The following DOCK4 variants were observed in gnomAD, a reference collection of about 807,000 sequenced individuals.
DOCK4 encodes the protein dedicator of cytokinesis 4.
Under a neutral mutation model 268.1 loss-of-function variants are expected in DOCK4, and 97 were observed. The ratio of observed to expected loss-of-function variants is 0.36; its 90% CI spans 0.31 to 0.43. The LOEUF is 0.43. Among genes scored for constraint, DOCK4 ranks in the 20% least tolerant of loss-of-function variants. The probability of loss-of-function intolerance (pLI) is 1.00; values close to 1 mark genes in which losing one functional copy is unlikely to be tolerated. For synonymous variants in DOCK4, 954 were observed against 887.2 expected (o/e 1.08, Z -1.34); for missense variants, 2,145 against 2,455.7 (o/e 0.87, Z 2.67).
At chr7:111,987,313 T>G (rs1304705841) in intron 6 of DOCK4, among the ~76,000 whole-genome samples, 2 of 152,220 alleles carry the variant, frequency 1.3e-5, no homozygotes, top group Non-Finnish European at 2.9e-5. Context: ...TGCCATCATT[T>G]TCTTTCATAA....
chr7:112,206,163 A>G lies in DOCK4; in HGVS notation c.-25T>C. ...TGGCTAAAGGGGCTCCGGGGTCTTC[A>G]GGCTTTGTAATCCCCGCGCCCCTTC... On this transcript the variant is annotated 5_prime_UTR_variant, in exon 1 of 53. Transcript: ENST00000428084. The G allele has an allele frequency of 6.4e-7, 1 of 1,568,026 alleles. No individual in the cohort carries two copies. The highest frequency in any genetic ancestry group is 2.4e-5 in the East Asian group (1 of 42,234).
At chr7:111,929,530 A>C (rs896999591) in intron 12 of DOCK4, among the ~76,000 whole-genome samples, 3 of 152,230 alleles carry the variant, frequency 2.0e-5, no homozygotes, top group African/African-American at 7.2e-5. Flanking sequence ...ATGTTCAAAA[A>C]TCAGGTGCAC....
At chr7:111,804,434 A>G (rs777779680) in intron 30 of DOCK4, among the ~76,000 whole-genome samples, 156 of 152,232 alleles carry the variant, frequency 1.0e-3, no homozygotes, top group Non-Finnish European at 1.6e-3. Flanking sequence ...GGCTGGGGAG[A>G]CAGGGGAATG....
Position 112,182,787 on chromosome 7 carries a change from C to A in DOCK4, c.37+23315G>T, listed in dbSNP as rs376517869. Among the ~76,000 whole-genome samples the A allele has an allele frequency of 2.6e-5, 4 of 152,326 alleles. No homozygotes were observed. In the East Asian group the frequency reaches 7.7e-4, roughly 29 times the overall value. On this transcript the variant is annotated intron_variant, in intron 1 of 52. Transcript: ENST00000428084. ...ACACGGCTAGGTGTGCAGGCATGTGCCTCACTATCAAGACCTAAACCACGA... is the reference window on the plus strand; with the variant it reads ...ACACGGCTAGGTGTGCAGGCATGTGACTCACTATCAAGACCTAAACCACGA...
At position 111,740,729 on chromosome 7, in the gene DOCK4, T is replaced by TAAAAAAAAAAAA. The variant is rs59019816; in HGVS notation, c.5040+353_5040+364dup. Among the ~76,000 whole-genome samples, 27 of 16,486 alleles carry TAAAAAAAAAAAA rather than the reference T, an allele frequency of 1.6e-3. 13 individuals are homozygous for TAAAAAAAAAAAA. The highest frequency in any genetic ancestry group is 6.0e-3 in the East Asian group (2 of 332). 10.8% of individuals were successfully genotyped at this position (16,486 alleles called of 152,430 possible). A position where few individuals can be genotyped will look rare whatever the true frequency, so the allele number is the denominator to read the frequency against. Reference sequence around the variant, plus strand: ...GACTGGGAGACAGAGTGAGACTCGCTAAAAAAAAAAAAAAAAAAAAAAAAA... The same window carrying TAAAAAAAAAAAA: ...GACTGGGAGACAGAGTGAGACTCGCTAAAAAAAAAAAAAAAAAAAAAAAAAAAAAAAAAAAAA... On this transcript the variant is annotated intron_variant, in intron 47 of 52. Coordinates refer to ENST00000428084, the MANE Select transcript of DOCK4 (RefSeq NM_001363540.2).
In DOCK4 at chr7:111,755,552, C is replaced by G; in HGVS notation, c.4379G>C (p.Gly1460Ala). The change falls in exon 42 of 53, where the codon GGC becomes GCC. Residue 1460 changes from glycine (G) to alanine (A), a missense_variant. By Grantham distance (60) the Gly-to-Ala change is moderately conservative. Coordinates refer to ENST00000428084, the MANE Select transcript of DOCK4 (RefSeq NM_001363540.2). Reference protein sequence around the residue: ...TSLYLVQSLPGISRWFEVEKR... With the variant: ...TSLYLVQSLPAISRWFEVEKR... ...TTCCACTTCAAACCAGCGAGAGATG[C>G]CAGGCAAACTCTGCACCAAGTATAA... The G allele has an allele frequency of 6.2e-7, 1 of 1,613,932 alleles. No homozygotes were observed. Among genetic ancestry groups the G allele is most frequent in the Non-Finnish European group, 8.5e-7 (1 of 1,179,878 alleles).
At chr7:112,053,009 A>C (rs1219788224) in intron 1 of DOCK4, among the ~76,000 whole-genome samples, 1 of 152,218 alleles carries the variant, frequency 6.6e-6, no homozygotes, top group Non-Finnish European at 1.5e-5. Flanking sequence ...AAAACCAGTT[A>C]AATGCTAAAT....
At chr7:111,987,719 A>G (rs550942006) in intron 6 of DOCK4, among the ~76,000 whole-genome samples, 74 of 152,312 alleles carry the variant, frequency 4.9e-4, no homozygotes, top group African/African-American at 1.8e-3. Flanking sequence ...TCCTCCTTCA[A>G]CAGATGAGGA....
intron 1 of DOCK4, among the ~76,000 whole-genome samples, chr7:112,202,276 T>C (rs555787797): frequency 2.2e-4 from 33 of 152,238 alleles, no homozygotes; most frequent in Non-Finnish European, 4.3e-4. Context: ...CTGTTTTACA[T>C]AACAGCTGTA....
intron 25 of DOCK4, among the ~76,000 whole-genome samples, chr7:111,837,223 G>A (rs1193655178): frequency 6.6e-6 from 1 of 151,890 alleles, no homozygotes; most frequent in African/African-American, 2.4e-5. Context: ...AAAGACAACG[G>A]AGCAACAGCT....
chr7:112,065,630 T>C (rs1287341005), intron 1 of DOCK4, among the ~76,000 whole-genome samples: 1 of 150,518 alleles, frequency 6.6e-6, no homozygotes, highest in African/African-American at 2.5e-5. Context: ...AGCCGTAAGA[T>C]TCTGGTTCAA....
At chr7:112,056,927 CTA>C (rs889609995) in intron 1 of DOCK4, among the ~76,000 whole-genome samples, 1 of 151,928 alleles carries the variant, frequency 6.6e-6, no homozygotes, top group African/African-American at 2.4e-5. Context: ...TTAAACATAA[CTA>C]TATATTGTAT....
At chr7:111,769,260 A>G (rs1184831766) in intron 37 of DOCK4, among the ~76,000 whole-genome samples, 2 of 152,182 alleles carry the variant, frequency 1.3e-5, no homozygotes, top group African/African-American at 4.8e-5. Flanking sequence ...GGACTCTCCT[A>G]GGGTCCTTGT....
chr7:112,132,578 T>C (rs1377071876), intron 1 of DOCK4, among the ~76,000 whole-genome samples: 1 of 151,472 alleles, frequency 6.6e-6, no homozygotes, highest in Non-Finnish European at 1.5e-5. Flanking sequence ...AGACCAGGCA[T>C]GCATACACAC....
intron 30 of DOCK4, chr7:111,808,279 T>C (rs1800824571): frequency 6.6e-6 from 1 of 152,452 alleles, no homozygotes; most frequent in African/African-American, 2.4e-5. Flanking sequence ...CCATCAATTT[T>C]CTGGAATAAT....
intron 1 of DOCK4, among the ~76,000 whole-genome samples, chr7:112,181,082 T>C (rs1238610109): frequency 1.3e-5 from 2 of 152,210 alleles, no homozygotes; most frequent in Non-Finnish European, 2.9e-5. Flanking sequence ...TCATTTGGTA[T>C]ACTAACATCA....
chr7:112,129,219 A>G (rs1359333235), intron 1 of DOCK4, among the ~76,000 whole-genome samples: 1 of 152,238 alleles, frequency 6.6e-6, no homozygotes, highest in Non-Finnish European at 1.5e-5. Flanking sequence ...TCAGCAATAA[A>G]AAGGAGTGAA....
At chr7:111,970,033 C>T (rs887819941) in intron 8 of DOCK4, among the ~76,000 whole-genome samples, 6 of 152,162 alleles carry the variant, frequency 3.9e-5, no homozygotes, top group African/African-American at 1.2e-4. Context: ...GGACCTTGGA[C>T]GATCAGTGAT....
At chr7:112,109,767 C>T (rs894123515) in intron 1 of DOCK4, among the ~76,000 whole-genome samples, 2 of 128,812 alleles carry the variant, frequency 1.6e-5, no homozygotes, top group Non-Finnish European at 3.1e-5. Flanking sequence ...TTTTTTGAGA[C>T]GGAGTCTCGC....
Sources: gnomAD v4.1 joint callset for allele counts (sites outside exome capture counted in the v4.1 genomes callset) on GRCh38, gnomAD v4.1.1 for gene constraint, MANE v1.5 for transcripts, NCBI Gene and HGNC (gene_info 2026-07-23, HGNC 2026-07-21) for gene names.